The following MAGI2 variants were observed in gnomAD, a reference collection of about 807,000 sequenced individuals.
MAGI2 encodes membrane associated guanylate kinase, WW and PDZ domain containing 2.
A neutral mutation model predicts 133.3 loss-of-function variants in MAGI2; 35 were observed. The ratio of observed to expected loss-of-function variants is 0.26; its 90% confidence interval spans 0.20 to 0.35. The LOEUF (loss-of-function observed/expected upper bound fraction) is 0.35. MAGI2 is among the 10% of genes least tolerant of loss of function. The probability of loss-of-function intolerance (pLI) is 1.00; values close to 1 mark genes in which losing one functional copy is unlikely to be tolerated. For synonymous variants in MAGI2, 729 were observed against 710.6 expected (o/e 1.03, Z -0.41); for missense variants, 1,636 against 1,863.4 (o/e 0.88, Z 2.25).
At chr7:78,113,335 T>C (rs9769034) in intron 20 of MAGI2, among the ~76,000 whole-genome samples, 7,817 of 152,086 alleles carry the variant, frequency 0.051, 243 homozygotes, top group African/African-American at 0.082. Context: ...AAAATACAAG[T>C]TGATTTGTAT....
chr7:79,415,975 T>C (rs2129175139), intron 1 of MAGI2, among the ~76,000 whole-genome samples: 1 of 152,246 alleles, frequency 6.6e-6, no homozygotes, highest in South Asian at 2.1e-4. Context: ...TAGACTAGAT[T>C]AGACTATTCG....
At chr7:79,144,306 C>G (rs1322127352) in intron 1 of MAGI2, among the ~76,000 whole-genome samples, 1 of 152,092 alleles carries the variant, frequency 6.6e-6, no homozygotes, top group Non-Finnish European at 1.5e-5. Context: ...ATTGTAATCC[C>G]CAGTGGTTGG....
At chr7:78,786,227 A>C (rs2151355560) in intron 2 of MAGI2, among the ~76,000 whole-genome samples, 1 of 152,238 alleles carries the variant, frequency 6.6e-6, no homozygotes, top group South Asian at 2.1e-4. Context: ...TGTACCTTCA[A>C]AATAGATCAG....
intron 1 of MAGI2, among the ~76,000 whole-genome samples, chr7:79,228,370 A>AAAAAAAAAAAAAAAAAAAAAAATG (rs1491129211): frequency 6.8e-6 from 1 of 147,256 alleles, no homozygotes; most frequent in Non-Finnish European, 1.5e-5. Context: ...AAAAAAAAAA[A>AAAAAAAAAAAAAAAAAAAAAAATG]GATCGTGGGA....
chr7:78,462,346 G>A (rs6972511), intron 6 of MAGI2, among the ~76,000 whole-genome samples: 26,854 of 152,084 alleles, frequency 0.18, 2,472 homozygotes, highest in African/African-American at 0.23. Flanking sequence ...CTAAATAGCA[G>A]GATGATGGCA....
intron 1 of MAGI2, among the ~76,000 whole-genome samples, chr7:79,421,498 A>G (rs538597260): frequency 2.5e-4 from 38 of 152,088 alleles, no homozygotes; most frequent in African/African-American, 9.1e-4. Context: ...AAATATTTTT[A>G]TTAATAAAAT....
chr7:78,617,833 T>C (rs1261270942), intron 3 of MAGI2: 4 of 152,130 alleles, frequency 2.6e-5, no homozygotes, highest in African/African-American at 9.6e-5. Flanking sequence ...AGTAGCTACT[T>C]AGCAATAAAA....
intron 21 of MAGI2, among the ~76,000 whole-genome samples, chr7:78,039,198 T>C (rs1271763510): frequency 6.6e-6 from 1 of 152,332 alleles, no homozygotes; most frequent in East Asian, 1.9e-4. Context: ...GAGGGAAGAA[T>C]TGAAATTATA....
chr7:78,656,377 G>A (rs1812276346), intron 2 of MAGI2, among the ~76,000 whole-genome samples: 1 of 152,148 alleles, frequency 6.6e-6, no homozygotes, highest in Admixed American at 6.5e-5. Context: ...GTAGATCCTT[G>A]CATTTGCAAC....
intron 1 of MAGI2, among the ~76,000 whole-genome samples, chr7:79,153,205 C>T (rs1466371254): frequency 6.6e-6 from 1 of 152,052 alleles, no homozygotes; most frequent in African/African-American, 2.4e-5. Flanking sequence ...GATTAAAATT[C>T]TTAGTTCTTC....
chr7:78,264,497 G>A (rs1032976428), intron 9 of MAGI2, among the ~76,000 whole-genome samples: 1 of 152,162 alleles, frequency 6.6e-6, no homozygotes, highest in Non-Finnish European at 1.5e-5. Context: ...GGCATGCAGT[G>A]AAGCAGATAA....
At chr7:78,485,934 A>T (rs899187621) in intron 6 of MAGI2, 1 of 152,076 alleles carries the variant, frequency 6.6e-6, no homozygotes, top group African/African-American at 2.4e-5. Context: ...CCTAGATAAA[A>T]TGTAAAAAAA....
intron 1 of MAGI2, among the ~76,000 whole-genome samples, chr7:79,390,999 A>G (rs1205938586): frequency 1.3e-5 from 2 of 152,146 alleles, no homozygotes; most frequent in Non-Finnish European, 2.9e-5. Context: ...TCTTACTCTG[A>G]GAGTGAGGAA....
intron 1 of MAGI2, among the ~76,000 whole-genome samples, chr7:79,265,369 A>T (rs1258515442): frequency 6.6e-6 from 1 of 152,172 alleles, no homozygotes; most frequent in Non-Finnish European, 1.5e-5. Flanking sequence ...TTCCCAGTAA[A>T]TACCTACTAT....
At chr7:78,255,736 TGTG>T in intron 10 of MAGI2, 1 of 631,236 alleles carries the variant, frequency 1.6e-6, no homozygotes, top group Middle Eastern at 4.3e-4. Flanking sequence ...CTATTATTAT[TGTG>T]TTTAATACAA....
At chr7:78,283,055 G>C (rs1476811498) in intron 9 of MAGI2, among the ~76,000 whole-genome samples, 1 of 151,980 alleles carries the variant, frequency 6.6e-6, no homozygotes, top group East Asian at 1.9e-4. Context: ...TAGAGATGAG[G>C]TCTCACTATG....
Position 78,670,023 on chromosome 7 carries a change from G to C in MAGI2, c.419-42784C>G, listed in dbSNP as rs1206025536. Among the ~76,000 whole-genome samples, 8 of 151,630 alleles carry C rather than the reference G, an allele frequency of 5.3e-5. 1 individual carries two copies. Among genetic ancestry groups the C allele is most frequent in the African/African-American group, 1.5e-4 (6 of 40,938 alleles). The stretch of plus-strand genomic sequence containing the variant: ...TTGAAAACTGGCAAAAGACAGGGAT[G>C]CCCTCTCTCACCACTCCTATTCAAC... On this transcript the variant is annotated intron_variant, in intron 2 of 21. Coordinates refer to ENST00000354212, the MANE Select transcript of MAGI2 (RefSeq NM_012301.4).
At chr7:79,282,685 C>T (rs1835743017) in intron 1 of MAGI2, among the ~76,000 whole-genome samples, 1 of 151,972 alleles carries the variant, frequency 6.6e-6, no homozygotes, top group South Asian at 2.1e-4. Flanking sequence ...ATGAAAGAAA[C>T]GTTGGGCAAG....
At position 79,379,205 on chromosome 7, in the gene MAGI2, T is replaced by C. The variant is rs373266929; in HGVS notation, c.301+73815A>G. ...CAATTCCCACCTATGAGTGAGAACA[T>C]GTGGTGTTTGGTTTTTTGTCCTTGC... is the stretch of plus-strand genomic sequence containing the variant. On this transcript the variant is annotated intron_variant, in intron 1 of 21. Transcript: ENST00000354212. Among the ~76,000 whole-genome samples the C allele has an allele frequency of 4.5e-4, 66 of 147,404 alleles. No individual in the cohort carries two copies. In the East Asian group the frequency reaches 0.013, roughly 29 times the overall value.
Sources: gnomAD v4.1 joint callset for allele counts (sites outside exome capture counted in the v4.1 genomes callset) on GRCh38, gnomAD v4.1.1 for gene constraint, MANE v1.5 for transcripts, NCBI Gene and HGNC (gene_info 2026-07-23, HGNC 2026-07-21) for gene names.